The following ACBD6 variants were observed in gnomAD, a reference collection of about 807,000 sequenced individuals.
ACBD6 encodes the protein acyl-CoA-binding domain-containing protein 6.
Under a neutral mutation model 37.2 loss-of-function variants are expected in ACBD6, and 28 were observed. That is an observed-to-expected ratio of 0.75 (90% CI 0.56 to 1.03). The LOEUF (loss-of-function observed/expected upper bound fraction) is 1.03, where lower values mean the gene tolerates loss of function less well. Among genes scored for constraint, ACBD6 ranks in the 50% least tolerant of loss-of-function variants. ACBD6 has a pLI of 0.00. For missense variants in ACBD6, 340 were observed against 337.4 expected, an observed-to-expected ratio of 1.01 and a Z score of -0.06; for synonymous variants, 113 against 126.8, an observed-to-expected ratio of 0.89 and a Z score of 0.73.
At chr1:180,271,993 G>A (rs1648697370) in intron 13 of ACBD6, 3 of 1,612,556 alleles carry the variant, frequency 1.9e-6, no homozygotes, top group Admixed American at 1.7e-5. Flanking sequence ...GTGACAGTGA[G>A]CTGAGCTTCC....
intron 3 of ACBD6, among the ~76,000 whole-genome samples, chr1:180,448,116 G>C (rs1649546604): frequency 6.6e-6 from 1 of 152,118 alleles, no homozygotes; most frequent in African/African-American, 2.4e-5. Flanking sequence ...AAATAAGGCA[G>C]TAAAATTACA....
intron 3 of ACBD6, among the ~76,000 whole-genome samples, chr1:180,439,517 G>A (rs1478481104): frequency 6.6e-6 from 1 of 152,044 alleles, no homozygotes; most frequent in African/African-American, 2.4e-5. Context: ...TGGAACTCAG[G>A]AGGCAGAACT....
chr1:180,336,278 C>A (rs1359467484), intron 6 of ACBD6, among the ~76,000 whole-genome samples: 5 of 146,660 alleles, frequency 3.4e-5, no homozygotes, highest in Non-Finnish European at 4.5e-5. Flanking sequence ...CACTCCTCAG[C>A]AAATGTAAAA....
intron 5 of ACBD6, among the ~76,000 whole-genome samples, chr1:180,412,787 GCC>G (rs1647913502): frequency 1.3e-5 from 2 of 152,100 alleles, no homozygotes; most frequent in Admixed American, 6.5e-5. Context: ...GATTGCGTAA[GCC>G]CATGGGTTTG....
At chr1:180,446,517 ATTCAT>A (rs748473064) in intron 3 of ACBD6, among the ~76,000 whole-genome samples, 11 of 152,158 alleles carry the variant, frequency 7.2e-5, no homozygotes, top group African/African-American at 1.2e-4. Flanking sequence ...ATGAATAGCT[ATTCAT>A]TTCAAGTAGA....
intron 6 of ACBD6, among the ~76,000 whole-genome samples, chr1:180,348,564 T>G (rs1309362631): frequency 6.6e-6 from 1 of 152,162 alleles, no homozygotes; most frequent in Non-Finnish European, 1.5e-5. Flanking sequence ...TAAGTTAAAA[T>G]GGAGTATAAA....
chr1:180,353,884 T>G (rs1358820551), intron 6 of ACBD6, among the ~76,000 whole-genome samples: 4 of 151,776 alleles, frequency 2.6e-5, no homozygotes, highest in Non-Finnish European at 5.9e-5. Flanking sequence ...TATAGATAAT[T>G]TTGTGAGTGT....
rs61694354 is a variant in ACBD6, at chr1:180,317,711, T to A, written c.664-2989A>T. Among the ~76,000 whole-genome samples, 1,015 of 152,206 alleles carry A rather than the reference T, an allele frequency of 6.7e-3. 17 individuals carry two copies. The highest frequency in any genetic ancestry group is 0.023 in the African/African-American group (969 of 41,516). ...TCATTTCAACAATATTTTTTCTTGGTTAGGTAAGCCAATAACAGCAAAATA... is the reference window on the plus strand; with the variant it reads ...TCATTTCAACAATATTTTTTCTTGGATAGGTAAGCCAATAACAGCAAAATA... On this transcript the variant is annotated intron_variant, in intron 6 of 7. Transcript: ENST00000367595.
chr1:180,307,513 T>G (rs1297981282), intron 7 of ACBD6, among the ~76,000 whole-genome samples: 1 of 152,180 alleles, frequency 6.6e-6, no homozygotes, highest in Non-Finnish European at 1.5e-5. Flanking sequence ...AAGAGTTTAA[T>G]TAGATTGTTT....
chr1:180,318,073 G>T (rs1250126728), intron 6 of ACBD6, among the ~76,000 whole-genome samples: 3 of 147,228 alleles, frequency 2.0e-5, no homozygotes, highest in Non-Finnish European at 4.5e-5. Context: ...AGCTACTCGG[G>T]ATTGCTTGAA....
intron 6 of ACBD6, among the ~76,000 whole-genome samples, chr1:180,352,729 G>C (rs1214575866): frequency 6.6e-6 from 1 of 152,168 alleles, no homozygotes; most frequent in East Asian, 1.9e-4. Flanking sequence ...CTAGAGATAA[G>C]ACTTTCAATA....
In ACBD6 at chr1:180,271,991, G is replaced by A. The variant is rs752854073; in HGVS notation, c.*1254-20C>T. On this transcript the variant is annotated intron_variant, in intron 13 of 13. Transcript: ENST00000642319. ...AGAGGACTGTGGGGTTAGTGACAGTGAGCTGAGCTTCCGAGGTGAGCAGGG... is the reference window on the plus strand; with the variant it reads ...AGAGGACTGTGGGGTTAGTGACAGTAAGCTGAGCTTCCGAGGTGAGCAGGG... The A allele has an allele frequency of 2.5e-6, 4 of 1,612,604 alleles. No individual in the cohort carries two copies. In the East Asian group the frequency reaches 6.7e-5, roughly 27 times the overall value.
chr1:180,333,589 C>T (rs776321739), intron 6 of ACBD6, among the ~76,000 whole-genome samples: 5 of 152,260 alleles, frequency 3.3e-5, no homozygotes, highest in Non-Finnish European at 5.9e-5. Context: ...CCAGTGTGAG[C>T]GACGCAGAAG....
At chr1:180,456,202 A>G (rs1242071965) in intron 3 of ACBD6, among the ~76,000 whole-genome samples, 1 of 137,546 alleles carries the variant, frequency 7.3e-6, no homozygotes, top group Non-Finnish European at 1.5e-5. Flanking sequence ...ACAGAGCGAG[A>G]CACCATTTCA....
chr1:180,452,039 G>C (rs1245933859), intron 3 of ACBD6, among the ~76,000 whole-genome samples: 1 of 152,152 alleles, frequency 6.6e-6, no homozygotes, highest in Non-Finnish European at 1.5e-5. Context: ...AAATAAACAA[G>C]TTCTTTGAAA....
chr1:180,417,293 T>C (rs1648138562), intron 4 of ACBD6, among the ~76,000 whole-genome samples: 1 of 152,190 alleles, frequency 6.6e-6, no homozygotes, highest in South Asian at 2.1e-4. Context: ...ACATTCCCTC[T>C]GCTCAAACAC....
At chr1:180,366,372 T>G (rs1653056597) in intron 6 of ACBD6, among the ~76,000 whole-genome samples, 1 of 152,182 alleles carries the variant, frequency 6.6e-6, no homozygotes, top group South Asian at 2.1e-4. Flanking sequence ...ACGGTAGGTT[T>G]TCCTGGGGAT....
intron 6 of ACBD6, among the ~76,000 whole-genome samples, chr1:180,356,153 G>A (rs376346022): frequency 2.0e-5 from 3 of 151,464 alleles, no homozygotes; most frequent in Non-Finnish European, 4.4e-5. Flanking sequence ...GATTACAGGC[G>A]TGAGCCACCG....
At chr1:180,271,642 C>A in exon 14 of ACBD6, 1 of 1,459,748 alleles carries the variant, frequency 6.9e-7, no homozygotes, top group Non-Finnish European at 9.6e-7. Context: ...AGGGCTTGAC[C>A]CCAGGGCTTT....
Sources: allele counts gnomAD v4.1 joint callset (sites outside exome capture counted in the v4.1 genomes callset), GRCh38; gene constraint gnomAD v4.1.1; transcripts MANE v1.5; gene names NCBI Gene and HGNC (gene_info 2026-07-23, HGNC 2026-07-21).